The following PPP1R9A variants were observed in gnomAD, a reference collection of about 807,000 sequenced individuals.
The protein encoded by PPP1R9A is neurabin-1.
PPP1R9A carries 59 observed loss-of-function variants against 141.9 expected under a neutral mutation model. That is an observed-to-expected ratio of 0.42 (90% CI 0.34 to 0.52). The LOEUF is 0.52. Ranked by LOEUF, PPP1R9A falls within the 20% of genes least tolerant of loss-of-function variation. PPP1R9A has a pLI of 0.10. For synonymous variants in PPP1R9A, 500 were observed against 569.7 expected, an observed-to-expected ratio of 0.88 and a Z score of 1.74; for missense variants, 1,444 against 1,611.9, an observed-to-expected ratio of 0.90 and a Z score of 1.78.
At position 95,291,720 on chromosome 7, in the gene PPP1R9A, A is replaced by C. The variant is rs962419710; in HGVS notation, c.*1417A>C. The C allele has an allele frequency of 6.6e-6, 1 of 152,194 alleles. No individual in the cohort carries two copies. Among genetic ancestry groups the C allele is most frequent in the African/African-American group, 2.4e-5 (1 of 41,456 alleles). The allele number at this position is 152,194 out of a possible 1,614,324, so 9.4% of individuals were successfully genotyped here. On this transcript the variant is annotated 3_prime_UTR_variant, in exon 20 of 20. Transcript: ENST00000433360. ...GAGGTTATCCACTTTCCAAAGGACAAGTTTCAGAATAAGACTTGAGGCCAC... is the reference window on the plus strand; with the variant it reads ...GAGGTTATCCACTTTCCAAAGGACACGTTTCAGAATAAGACTTGAGGCCAC...
At chr7:95,039,086 G>C (rs538830350) in intron 2 of PPP1R9A, among the ~76,000 whole-genome samples, 14 of 152,142 alleles carry the variant, frequency 9.2e-5, no homozygotes, top group Non-Finnish European at 1.6e-4. Context: ...CATGCCAAAG[G>C]CAAGAAAGAA....
intron 2 of PPP1R9A, among the ~76,000 whole-genome samples, chr7:94,948,040 T>TC (rs1796078286): frequency 6.6e-6 from 1 of 152,106 alleles, no homozygotes; most frequent in Non-Finnish European, 1.5e-5. Context: ...CTGTATACAG[T>TC]CCATCTAGGT....
chr7:95,072,947 A>G (rs527531224), intron 2 of PPP1R9A, among the ~76,000 whole-genome samples: 23 of 129,242 alleles, frequency 1.8e-4, no homozygotes, highest in Non-Finnish European at 2.7e-4. Context: ...TATATATATT[A>G]TATATTATAA....
At chr7:95,059,157 A>G (rs1343022229) in intron 2 of PPP1R9A, among the ~76,000 whole-genome samples, 2 of 152,032 alleles carry the variant, frequency 1.3e-5, no homozygotes, top group African/African-American at 2.4e-5. Context: ...TCCATTTCCA[A>G]TTGCCATGCT....
chr7:95,221,024 A>C lies in PPP1R9A; in HGVS notation c.1957-4937A>C, dbSNP rs149782465. 7.0e-3 allele frequency among the ~76,000 whole-genome samples: 1,072 copies of C among 152,220 alleles called. 27 individuals carry two copies. Among genetic ancestry groups the C allele is most frequent in the Admixed American group, 0.04 (605 of 15,252 alleles). ...AAAAGTTTTACTTCAGAAATGACCA[A>C]TTTGCTTATAAAAGATTCATGTGTT... On this transcript the variant is annotated intron_variant, in intron 7 of 19. Transcript: ENST00000433360.
intron 2 of PPP1R9A, among the ~76,000 whole-genome samples, chr7:95,039,390 G>GA (rs1193339356): frequency 6.6e-6 from 1 of 151,832 alleles, no homozygotes; most frequent in Admixed American, 6.6e-5. Flanking sequence ...CCAACATGGT[G>GA]AAACCCCGTC....
chr7:94,909,696 G>A (rs1211658471), intron 1 of PPP1R9A, among the ~76,000 whole-genome samples: 1 of 145,118 alleles, frequency 6.9e-6, no homozygotes, highest in East Asian at 2.0e-4. Flanking sequence ...TCTCCAAATT[G>A]TGTTTGGAAC....
intron 5 of PPP1R9A, among the ~76,000 whole-genome samples, chr7:95,196,343 A>G (rs975085296): frequency 2.6e-5 from 4 of 152,164 alleles, no homozygotes; most frequent in African/African-American, 9.7e-5. Flanking sequence ...TGAGGATGCA[A>G]AGCAACTACA....
intron 12 of PPP1R9A, among the ~76,000 whole-genome samples, chr7:95,258,008 T>G (rs1454914620): frequency 2.0e-5 from 3 of 152,156 alleles, no homozygotes; most frequent in African/African-American, 4.8e-5. Context: ...GCAGCATGAT[T>G]TATAATCCTT....
At position 95,215,846 on chromosome 7, in the gene PPP1R9A, C is replaced by G. The variant is rs928413506; in HGVS notation, c.1957-10115C>G. On this transcript the variant is annotated intron_variant, in intron 7 of 19. Transcript: ENST00000433360. ...TTGTTTTTTTCTTGTAAATTTGTTTCAGTTCTTTGTAGATTCTGGATATTA... is the reference window on the plus strand; with the variant it reads ...TTGTTTTTTTCTTGTAAATTTGTTTGAGTTCTTTGTAGATTCTGGATATTA... Among the ~76,000 whole-genome samples, 20 of 151,934 alleles carry G rather than the reference C, an allele frequency of 1.3e-4. No individual in the cohort carries two copies. The East Asian group carries it at 1.7e-3, about 13-fold the overall frequency.
At chr7:94,963,688 C>T (rs1025280219) in intron 2 of PPP1R9A, among the ~76,000 whole-genome samples, 15 of 152,068 alleles carry the variant, frequency 9.9e-5, no homozygotes, top group Non-Finnish European at 2.1e-4. Flanking sequence ...TTCAGAAATG[C>T]GTGGGACCAG....
intron 2 of PPP1R9A, among the ~76,000 whole-genome samples, chr7:95,008,844 A>T (rs1014098762): frequency 6.6e-6 from 1 of 152,192 alleles, no homozygotes; most frequent in African/African-American, 2.4e-5. Flanking sequence ...ATAAAGACAC[A>T]TGCACACGTA....
At chr7:95,087,172 C>T (rs920781390) in intron 2 of PPP1R9A, among the ~76,000 whole-genome samples, 5 of 152,058 alleles carry the variant, frequency 3.3e-5, no homozygotes, top group East Asian at 1.9e-4. Context: ...AGTTGCGCTA[C>T]GATTGTGAAT....
chr7:95,033,409 A>G (rs919836167), intron 2 of PPP1R9A, among the ~76,000 whole-genome samples: 1 of 152,068 alleles, frequency 6.6e-6, no homozygotes, highest in Non-Finnish European at 1.5e-5. Context: ...TTATATATGT[A>G]GTTTGACTGG....
intron 12 of PPP1R9A, among the ~76,000 whole-genome samples, chr7:95,253,140 G>A (rs1248719790): frequency 6.6e-6 from 1 of 152,224 alleles, no homozygotes; most frequent in Non-Finnish European, 1.5e-5. Context: ...ACACAGGAAT[G>A]TGTGGCTTCA....
intron 7 of PPP1R9A, among the ~76,000 whole-genome samples, chr7:95,208,496 A>G (rs1791318007): frequency 1.3e-5 from 2 of 152,154 alleles, no homozygotes; most frequent in Non-Finnish European, 2.9e-5. Flanking sequence ...AGGCTGAGGC[A>G]GGTGGATCAC....
At chr7:95,122,575 A>T in intron 4 of PPP1R9A, among the ~76,000 whole-genome samples, 1 of 152,226 alleles carries the variant, frequency 6.6e-6, no homozygotes, top group East Asian at 1.9e-4. Flanking sequence ...TAGGGATAAC[A>T]TCTTAGTTGG....
At chr7:94,993,609 T>A (rs912712727) in intron 2 of PPP1R9A, among the ~76,000 whole-genome samples, 3 of 152,214 alleles carry the variant, frequency 2.0e-5, no homozygotes, top group African/African-American at 7.2e-5. Flanking sequence ...TACACACTTT[T>A]TTTTTGCTGG....
chr7:95,203,480 T>C (rs949980625), intron 6 of PPP1R9A, among the ~76,000 whole-genome samples, 185 bp from the exon 7 acceptor site: 3 of 152,206 alleles, frequency 2.0e-5, no homozygotes, highest in Non-Finnish European at 4.4e-5. Context: ...GACTTTATAC[T>C]GTATCTATAA....
Sources: allele counts gnomAD v4.1 joint callset (sites outside exome capture counted in the v4.1 genomes callset), GRCh38; gene constraint gnomAD v4.1.1; transcripts MANE v1.5; gene names NCBI Gene and HGNC (gene_info 2026-07-23, HGNC 2026-07-21).